Variants in EYS observed in about 807,000 individuals in gnomAD.
EYS encodes the protein protein eyes shut homolog.
In EYS, 250 loss-of-function variants were observed where a neutral mutation model predicts 282.1. The ratio of observed to expected loss-of-function variants is 0.89; its 90% CI spans 0.80 to 0.98. EYS has a LOEUF of 0.98. Among genes scored for constraint, EYS ranks in the 50% least tolerant of loss-of-function variants. The probability of loss-of-function intolerance (pLI) is 0.00; values close to 1 mark genes in which losing one functional copy is unlikely to be tolerated. For missense variants in EYS, 4,016 were observed against 3,709.0 expected, an observed-to-expected ratio of 1.08 and a Z score of -2.15; for synonymous variants, 1,355 against 1,282.9, an observed-to-expected ratio of 1.06 and a Z score of -1.20.
intron 15 of EYS, among the ~76,000 whole-genome samples, chr6:64,935,102 T>C (rs1334896528): frequency 1.3e-5 from 2 of 151,712 alleles, no homozygotes; most frequent in Non-Finnish European, 3.0e-5. Context: ...TCTTAAGAGG[T>C]TACTTATAAT....
intron 22 of EYS, among the ~76,000 whole-genome samples, chr6:64,652,286 T>C (rs1768590468): frequency 6.6e-6 from 1 of 152,162 alleles, no homozygotes; most frequent in Non-Finnish European, 1.5e-5. Flanking sequence ...CTTAATCTAA[T>C]CAGGTGAGCT....
rs1274720242 is a variant in EYS, at chr6:63,762,535, G to T, written c.7997C>A (p.Ala2666Glu). ...HDPPHHCSRG[A>E]TCISLPHGYT... ...TCCATGAGGTAATGAAATGCAGGTT[G>T]CTCCTCTGCTACAGTGGTGTGGAGG... Residue 2666 changes from alanine to glutamate, a missense_variant, in exon 41 of 43, where the codon GCA (alanine) becomes GAA (glutamate). Ala to Glu is a moderately radical substitution (Grantham distance 107). Transcript: ENST00000503581. 1 of 1,550,404 alleles carries T rather than the reference G, an allele frequency of 6.4e-7. No homozygotes were observed. Among genetic ancestry groups the T allele is most frequent in the South Asian group, 1.2e-5 (1 of 84,020 alleles).
chr6:65,367,523 A>G (rs1049912546), intron 8 of EYS, among the ~76,000 whole-genome samples: 1 of 151,820 alleles, frequency 6.6e-6, no homozygotes, highest in South Asian at 2.1e-4. Flanking sequence ...TCCTTTAAAT[A>G]TAAATGTTTT....
intron 36 of EYS, among the ~76,000 whole-genome samples, chr6:63,845,014 T>C (rs1304094478): frequency 6.6e-6 from 1 of 152,230 alleles, no homozygotes; most frequent in Non-Finnish European, 1.5e-5. Context: ...AAGTCTTTAA[T>C]GTATCTTGTG....
At chr6:65,084,465 C>G (rs932617009) in intron 12 of EYS, among the ~76,000 whole-genome samples, 1 of 152,038 alleles carries the variant, frequency 6.6e-6, no homozygotes, top group African/African-American at 2.4e-5. Context: ...AAATGCTACT[C>G]CAAGAAAGTA....
intron 35 of EYS, among the ~76,000 whole-genome samples, chr6:63,931,340 G>A (rs1236733250): frequency 2.0e-5 from 3 of 152,080 alleles, no homozygotes; most frequent in Admixed American, 1.3e-4. Context: ...ATCATCCATC[G>A]TTGCTACCTA....
At chr6:63,752,516 G>T in intron 41 of EYS, among the ~76,000 whole-genome samples, 1 of 144,058 alleles carries the variant, frequency 6.9e-6, no homozygotes. Flanking sequence ...TTTTTGAGAG[G>T]GAGTCTCACT....
At chr6:65,145,633 G>T (rs1352175590) in intron 12 of EYS, among the ~76,000 whole-genome samples, 1 of 151,940 alleles carries the variant, frequency 6.6e-6, no homozygotes, top group African/African-American at 2.4e-5. Flanking sequence ...TCATCAAACA[G>T]CTAGAAATTA....
At chr6:64,186,637 T>A (rs1040847249) in intron 31 of EYS, among the ~76,000 whole-genome samples, 2 of 152,090 alleles carry the variant, frequency 1.3e-5, no homozygotes, top group African/African-American at 2.4e-5. Context: ...AGAAACAAAT[T>A]TGACATCCTT....
chr6:65,000,066 A>G (rs1771413356), intron 13 of EYS, among the ~76,000 whole-genome samples: 2 of 152,160 alleles, frequency 1.3e-5, no homozygotes, highest in Non-Finnish European at 2.9e-5. Context: ...TGGCAAAACT[A>G]AAAGAGCAAA....
chr6:65,177,603 T>C (rs868482742), intron 12 of EYS, among the ~76,000 whole-genome samples: 1 of 151,888 alleles, frequency 6.6e-6, no homozygotes, highest in East Asian at 2.0e-4. Context: ...TATGTGCATA[T>C]AGGTACATAT....
At chr6:64,323,824 G>A (rs1362706479) in intron 29 of EYS, among the ~76,000 whole-genome samples, 1 of 152,070 alleles carries the variant, frequency 6.6e-6, no homozygotes, top group Non-Finnish European at 1.5e-5. Flanking sequence ...AGTAGATGCC[G>A]TGGTATCCAT....
At chr6:63,998,614 C>G (rs1017856172) in intron 34 of EYS, among the ~76,000 whole-genome samples, 2 of 152,084 alleles carry the variant, frequency 1.3e-5, no homozygotes, top group Non-Finnish European at 2.9e-5. Flanking sequence ...GATAGACATT[C>G]TCTTTTCTTT....
At chr6:65,002,355 T>A (rs1186460834) in intron 13 of EYS, among the ~76,000 whole-genome samples, 1 of 145,896 alleles carries the variant, frequency 6.9e-6, no homozygotes. Context: ...ACTTGGTGAT[T>A]TATATCAAGA....
intron 12 of EYS, among the ~76,000 whole-genome samples, chr6:65,258,364 G>T (rs1447793217): frequency 6.6e-6 from 1 of 152,020 alleles, no homozygotes. Flanking sequence ...ATTTCCCTGT[G>T]ATATAGGTAA....
intron 12 of EYS, among the ~76,000 whole-genome samples, chr6:65,212,771 A>T (rs1766206170): frequency 6.6e-6 from 1 of 152,150 alleles, no homozygotes; most frequent in Admixed American, 6.5e-5. Flanking sequence ...AGGACATGTT[A>T]AAAAATTCAT....
chr6:64,676,584 T>C (rs1317079018), intron 22 of EYS, among the ~76,000 whole-genome samples: 1 of 152,102 alleles, frequency 6.6e-6, no homozygotes, highest in African/African-American at 2.4e-5. Context: ...ACTGTTAACA[T>C]TTTGCCATAC....
At chr6:65,054,535 A>G (rs1773359881) in intron 13 of EYS, among the ~76,000 whole-genome samples, 1 of 152,036 alleles carries the variant, frequency 6.6e-6, no homozygotes, top group Non-Finnish European at 1.5e-5. Context: ...GTAGCAAAAG[A>G]AAAAGATAAA....
chr6:63,748,936 T>A (rs1303716794), intron 41 of EYS, among the ~76,000 whole-genome samples: 1 of 152,130 alleles, frequency 6.6e-6, no homozygotes, highest in Non-Finnish European at 1.5e-5. Flanking sequence ...AAAACACAAC[T>A]CCTGGATTTG....
Sources: allele counts gnomAD v4.1 joint callset (sites outside exome capture counted in the v4.1 genomes callset), GRCh38; gene constraint gnomAD v4.1.1; transcripts MANE v1.5; gene names NCBI Gene and HGNC (gene_info 2026-07-23, HGNC 2026-07-21).